Variants in UBAC1 observed in about 807,000 individuals in gnomAD.
UBAC1 encodes the protein ubiquitin-associated domain-containing protein 1.
A neutral mutation model predicts 45.9 loss-of-function variants in UBAC1; 27 were observed. The observed-to-expected ratio is 0.59, with a 90% confidence interval of 0.43 to 0.81. The LOEUF is 0.81. Among genes scored for constraint, UBAC1 ranks in the 30% least tolerant of loss-of-function variants. UBAC1 has a pLI of 0.00. For missense variants in UBAC1, 529 were observed against 539.2 expected (o/e 0.98, Z 0.19); for synonymous variants, 227 against 215.5 (o/e 1.05, Z -0.47).
chr9:135,955,228 C>G, intron 2 of UBAC1, 67 bp downstream of exon 2: 1 of 1,420,670 alleles, frequency 7.0e-7, no homozygotes, highest in Non-Finnish European at 9.2e-7. Context: ...ACCACCCCCT[C>G]CTGGCTCCAG....
At chr9:135,959,223 T>C (rs1190167256) in intron 1 of UBAC1, among the ~76,000 whole-genome samples, 2 of 152,138 alleles carry the variant, frequency 1.3e-5, no homozygotes, top group African/African-American at 2.4e-5. Context: ...GATATTTTTG[T>C]CTATTCCATT....
chr9:135,960,825 G>A (rs1839525037), intron 1 of UBAC1, among the ~76,000 whole-genome samples, 200 bp downstream of exon 1: 1 of 152,216 alleles, frequency 6.6e-6, no homozygotes, highest in Admixed American at 6.5e-5. Flanking sequence ...CGGGACGAGC[G>A]TCCAGAGGTG....
chr9:135,944,858 C>T (rs1405223038), intron 7 of UBAC1, among the ~76,000 whole-genome samples, 170 bp downstream of exon 7: 1 of 152,188 alleles, frequency 6.6e-6, no homozygotes, highest in Non-Finnish European at 1.5e-5. Context: ...CGCCCCCAGG[C>T]TCGCCATTTC....
At chr9:135,938,188 G>C (rs376076369) in intron 9 of UBAC1, 34 bp downstream of exon 9, 5 of 1,607,156 alleles carry the variant, frequency 3.1e-6, no homozygotes, top group Non-Finnish European at 3.4e-6. Context: ...CAGCCTCCCC[G>C]ACCCGAGACT....
At chr9:135,955,263 G>A in intron 2 of UBAC1, 32 bp downstream of exon 2, 1 of 1,522,808 alleles carries the variant, frequency 6.6e-7, no homozygotes, top group Non-Finnish European at 8.8e-7. Context: ...CACGATGCCT[G>A]CTGCCAACCC....
At chr9:135,953,068 G>A (rs139985754) in intron 3 of UBAC1, among the ~76,000 whole-genome samples, 2,935 of 152,250 alleles carry the variant, frequency 0.019, 42 homozygotes, top group Non-Finnish European at 0.023. Flanking sequence ...AGGTGAAGGC[G>A]GACAGCAGCG....
intron 8 of UBAC1, among the ~76,000 whole-genome samples, chr9:135,939,020 C>G (rs568551379): frequency 6.6e-6 from 1 of 152,170 alleles, no homozygotes; most frequent in East Asian, 1.9e-4. Context: ...TCAGCCTGGG[C>G]AACAAAGGGA....
At chr9:135,944,780 C>T (rs1381295284) in intron 7 of UBAC1, among the ~76,000 whole-genome samples, 2 of 152,204 alleles carry the variant, frequency 1.3e-5, no homozygotes, top group African/African-American at 4.8e-5. Flanking sequence ...GAAACTGGGG[C>T]GCCTGGATTC....
intron 1 of UBAC1, among the ~76,000 whole-genome samples, chr9:135,959,557 T>G (rs184540153): frequency 2.1e-4 from 32 of 152,210 alleles, no homozygotes; most frequent in Middle Eastern, 6.8e-3. Flanking sequence ...TGTATTTTAG[T>G]TGAGACGGGG....
intron 1 of UBAC1, among the ~76,000 whole-genome samples, chr9:135,958,771 C>T (rs902401734): frequency 2.0e-5 from 3 of 152,272 alleles, no homozygotes; most frequent in Non-Finnish European, 4.4e-5. Context: ...TCTGGCCCTG[C>T]CTGCAGAACC....
intron 4 of UBAC1, chr9:135,947,563 A>T: frequency 2.2e-6 from 1 of 448,766 alleles, no homozygotes; most frequent in Non-Finnish European, 3.9e-6. Context: ...ACGTTTTCCC[A>T]GGGGTATCTA....
intron 1 of UBAC1, among the ~76,000 whole-genome samples, chr9:135,956,741 CT>C (rs1839471762): frequency 6.6e-6 from 1 of 152,238 alleles, no homozygotes; most frequent in Admixed American, 6.5e-5. Flanking sequence ...TTTCCATAGC[CT>C]GGCCTGAAAA....
chr9:135,937,666 G>C (rs2131080737), intron 9 of UBAC1, among the ~76,000 whole-genome samples: 1 of 152,328 alleles, frequency 6.6e-6, no homozygotes, highest in Non-Finnish European at 1.5e-5. Flanking sequence ...GGGAAGCAGA[G>C]AGGTAAGCCG....
chr9:135,945,753 G>A (rs955761527), intron 6 of UBAC1, 136 bp downstream of exon 6: 1 of 654,464 alleles, frequency 1.5e-6, no homozygotes, highest in African/African-American at 1.8e-5. Flanking sequence ...CATATTTAAG[G>A]TACCTCTTCA....
At chr9:135,946,605 C>T (rs1839339973) in intron 4 of UBAC1, among the ~76,000 whole-genome samples, 1 of 152,234 alleles carries the variant, frequency 6.6e-6, no homozygotes, top group Admixed American at 6.5e-5. Context: ...GACGGTCACT[C>T]AGTGCTGGCC....
In UBAC1 at chr9:135,938,328, A is replaced by G. The variant is rs762737613; in HGVS notation, c.996T>C (p.Ser332=). 6.2e-6 allele frequency: 10 copies of G among 1,613,884 alleles called. No individual in the cohort carries two copies. The East Asian group carries it at 1.1e-4, about 18-fold the overall frequency. Residue 332 remains serine (S), a synonymous_variant, in exon 9 of 10, where the codon TCT becomes TCC. Coordinates refer to ENST00000371756, the MANE Select transcript of UBAC1 (RefSeq NM_016172.3). ...CEWLLGDRKP[S]PEELDKGIDP... The stretch of plus-strand genomic sequence containing the variant: ...CGATGCCCTTGTCCAGCTCCTCCGG[A>G]GAGGGCTTCCGGTCCCCCAGCAGCC...
chr9:135,952,427 G>T (rs765474323), intron 3 of UBAC1, among the ~76,000 whole-genome samples: 117 of 152,214 alleles, frequency 7.7e-4, no homozygotes, highest in Admixed American at 2.2e-3. Context: ...CTCCATGCTC[G>T]GCACGGGCTC....
At chr9:135,948,633 C>T (rs909759236) in intron 3 of UBAC1, among the ~76,000 whole-genome samples, 6 of 152,250 alleles carry the variant, frequency 3.9e-5, no homozygotes, top group East Asian at 3.9e-4. Flanking sequence ...AGAGGGAAAG[C>T]GGCACCCCAG....
intron 9 of UBAC1, among the ~76,000 whole-genome samples, chr9:135,937,939 C>T (rs886949282): frequency 1.4e-4 from 22 of 152,340 alleles, no homozygotes; most frequent in African/African-American, 4.3e-4. Context: ...GTCTCCACCC[C>T]GCTGGCCCTC....
Sources: allele counts gnomAD v4.1 joint callset (sites outside exome capture counted in the v4.1 genomes callset), GRCh38; gene constraint gnomAD v4.1.1; transcripts MANE v1.5; gene names NCBI Gene and HGNC (gene_info 2026-07-23, HGNC 2026-07-21).